SLC30A10: variants seen among roughly 807,000 people sequenced by gnomAD.
The protein encoded by SLC30A10 is calcium/manganese antiporter SLC30A10.
SLC30A10 carries 8 observed loss-of-function variants against 21.7 expected under a neutral mutation model. The observed-to-expected ratio is 0.37, with a 90% CI of 0.22 to 0.67. The LOEUF (loss-of-function observed/expected upper bound fraction) is 0.67, where lower values mean the gene tolerates loss of function less well. SLC30A10 is among the 30% of genes least tolerant of loss of function. SLC30A10 has a pLI of 0.58. For missense variants in SLC30A10, 521 were observed against 642.5 expected (o/e 0.81, Z 2.04); for synonymous variants, 272 against 279.4 (o/e 0.97, Z 0.26).
chr1:219,927,593 TG>T (rs1659859758), intron 1 of SLC30A10, among the ~76,000 whole-genome samples: 1 of 133,392 alleles, frequency 7.5e-6, no homozygotes, highest in African/African-American at 2.8e-5. Flanking sequence ...TATGTTAAAT[TG>T]GCAGAAGAGA....
At chr1:219,927,724 G>A in intron 1 of SLC30A10, 77 bp downstream of exon 1, 2 of 1,302,574 alleles carry the variant, frequency 1.5e-6, no homozygotes, top group Non-Finnish European at 2.0e-6. Context: ...AAAAGAGGGC[G>A]TGGGGTGAGA....
intron 1 of SLC30A10, among the ~76,000 whole-genome samples, chr1:219,953,668 T>TATTTTATTTTA (rs1660304478): frequency 5.3e-5 from 1 of 18,764 alleles, no homozygotes; most frequent in African/African-American, 1.8e-4. Context: ...TCTCAAATTT[T>TATTTTATTTTA]ATTTTATTTT....
intron 3 of SLC30A10, 95 bp from the exon 4 acceptor site, chr1:219,916,043 A>T: frequency 6.8e-7 from 1 of 1,471,380 alleles, no homozygotes; most frequent in Non-Finnish European, 9.1e-7. Flanking sequence ...CATTCTCACC[A>T]AAATGGCTGC....
intron 1 of SLC30A10, among the ~76,000 whole-genome samples, chr1:219,946,836 A>T (rs1222314676): frequency 6.6e-6 from 1 of 152,180 alleles, no homozygotes; most frequent in Non-Finnish European, 1.5e-5. Context: ...TTTACCAAAA[A>T]CACTGAGCTA....
At chr1:219,941,256 A>G (rs1377291605) in intron 1 of SLC30A10, among the ~76,000 whole-genome samples, 1 of 152,236 alleles carries the variant, frequency 6.6e-6, no homozygotes, top group African/African-American at 2.4e-5. Context: ...AGCAGAAACA[A>G]CAAGACAAAT....
At chr1:219,944,472 A>ACAAAG (rs1660162286) in intron 1 of SLC30A10, among the ~76,000 whole-genome samples, 1 of 151,958 alleles carries the variant, frequency 6.6e-6, no homozygotes, top group South Asian at 2.1e-4. Flanking sequence ...ACAAAACAAA[A>ACAAAG]CAAACACTAA....
chr1:219,915,270 G>A lies in SLC30A10; in HGVS notation c.*179C>T. ...CACCCAGGGGAATGGAAAGGAGTTAGTTACATAAAAATTCACAGACACGTT... is the reference window on the plus strand; with the variant it reads ...CACCCAGGGGAATGGAAAGGAGTTAATTACATAAAAATTCACAGACACGTT... On this transcript the variant is annotated 3_prime_UTR_variant, in exon 4 of 4. Coordinates refer to ENST00000366926, the MANE Select transcript of SLC30A10 (RefSeq NM_018713.3). 1.4e-6 allele frequency: 1 copy of A among 717,330 alleles called. No individual in the cohort carries two copies. Among genetic ancestry groups the A allele is most frequent in the Non-Finnish European group, 2.4e-6 (1 of 422,728 alleles). 44.4% of individuals were successfully genotyped at this position (717,330 alleles called of 1,614,324 possible). A position where few individuals can be genotyped will look rare whatever the true frequency, so the allele number is the denominator to read the frequency against.
intron 1 of SLC30A10, among the ~76,000 whole-genome samples, chr1:219,934,204 C>T (rs370789907): frequency 9.2e-5 from 14 of 152,306 alleles, no homozygotes; most frequent in African/African-American, 2.9e-4. Context: ...AGGAGAATGG[C>T]GTGAACCCAG....
At chr1:219,927,005 A>G (rs750728649) in intron 2 of SLC30A10, 23 bp downstream of exon 2, 54 of 1,570,190 alleles carry the variant, frequency 3.4e-5, no homozygotes, top group Middle Eastern at 3.3e-4. Flanking sequence ...AGGGATTTCA[A>G]ATAGGCCCAA....
chr1:219,938,164 G>A (rs533205179), intron 1 of SLC30A10, among the ~76,000 whole-genome samples: 2 of 152,204 alleles, frequency 1.3e-5, no homozygotes, highest in South Asian at 4.2e-4. Flanking sequence ...ATCCAAATCT[G>A]CTAACAGTGG....
At chr1:219,919,515 C>G (rs991398758) in intron 2 of SLC30A10, among the ~76,000 whole-genome samples, 4 of 152,114 alleles carry the variant, frequency 2.6e-5, no homozygotes, top group African/African-American at 9.7e-5. Flanking sequence ...GTGGCTCACT[C>G]CTGTAATCCC....
At chr1:219,922,176 G>GTTTTTTTTTTTTTTTTTTT (rs869249213) in intron 2 of SLC30A10, among the ~76,000 whole-genome samples, 4 of 36,408 alleles carry the variant, frequency 1.1e-4, no homozygotes, top group South Asian at 1.2e-3. Flanking sequence ...GTGTGTGTGT[G>GTTTTTTTTTTTTTTTTTTT]TTTTTTTTTT....
chr1:219,942,851 T>G (rs1660138713), intron 1 of SLC30A10, among the ~76,000 whole-genome samples: 1 of 152,026 alleles, frequency 6.6e-6, no homozygotes, highest in South Asian at 2.1e-4. Flanking sequence ...TTGAGATCAG[T>G]CTGGCCAACA....
intron 1 of SLC30A10, among the ~76,000 whole-genome samples, chr1:219,927,460 G>T (rs780444011): frequency 6.6e-6 from 1 of 151,732 alleles, no homozygotes; most frequent in Non-Finnish European, 1.5e-5. Context: ...GGAGAGTCCT[G>T]CCTGTTGCCC....
At chr1:219,931,231 CA>C (rs1190577882), upstream of SLC30A10, among the ~76,000 whole-genome samples, 1 of 152,136 alleles carries the variant, frequency 6.6e-6, no homozygotes, top group Admixed American at 6.5e-5. Context: ...TTTTCCTAAC[CA>C]AAGGCAGATA....
chr1:219,952,261 T>A lies in SLC30A10; in HGVS notation n.80+6307A>T, dbSNP rs1660281625. Among the ~76,000 whole-genome samples the A allele has an allele frequency of 1.3e-5, 2 of 152,194 alleles. 1 individual carries two copies. Among genetic ancestry groups the A allele is most frequent in the South Asian group, 4.1e-4 (2 of 4,824 alleles). On this transcript the variant is annotated intron_variant and non_coding_transcript_variant, in intron 1 of 8. Coordinates refer to the SLC30A10 transcript ENST00000484239. Reference sequence around the variant, plus strand: ...TACTGTGTTGAGTACTTTACACAAATAATATAATTTCATTCTTGCAACATC... The same window carrying A: ...TACTGTGTTGAGTACTTTACACAAAAAATATAATTTCATTCTTGCAACATC...
chr1:219,918,700 T>C lies in SLC30A10; in HGVS notation c.719-206A>G. 1 of 524,196 alleles carries C rather than the reference T, an allele frequency of 1.9e-6. No homozygotes were observed. Among genetic ancestry groups the C allele is most frequent in the Non-Finnish European group, 3.2e-6 (1 of 314,306 alleles). 32.5% of individuals were successfully genotyped at this position (524,196 alleles called of 1,614,324 possible). On this transcript the variant is annotated intron_variant, in intron 2 of 3. Transcript: ENST00000366926. This position sits in a 1 kb window ranked among gnomAD's most constrained non-coding sequence, Gnocchi z 4.4. ...CAGGCCACCATCGCAGGACTCAGAG[T>C]ACCTTGGAAGAGCAACAGCCTAGGA...
rs756664488 is a variant in SLC30A10 at position 219,915,803 on chromosome 1, T to C, written c.1104A>G (p.Glu368=). The C allele has an allele frequency of 6.2e-7, 1 of 1,614,168 alleles. No homozygotes were observed. Among genetic ancestry groups the C allele is most frequent in the Non-Finnish European group, 8.5e-7 (1 of 1,180,022 alleles). The part of the protein sequence containing the change: ...GYQDASTKIR[E]IFHHAGIHNV... ...TGTGGATTCCCGCATGGTGGAAGAT[T>C]TCTCGAATTTTTGTGCTGGCATCTT... Residue 368 remains glutamate, a synonymous_variant, in exon 4 of 4, where the codon GAA becomes GAG. Coordinates refer to ENST00000366926, the MANE Select transcript of SLC30A10 (RefSeq NM_018713.3).
Position 219,928,218 on chromosome 1 carries a change from C to T in SLC30A10, c.223G>A (p.Ala75Thr), listed in dbSNP as rs1659895633. The T allele has an allele frequency of 1.9e-6, 3 of 1,563,398 alleles. No individual in the cohort carries two copies. Among genetic ancestry groups the T allele is most frequent in the Non-Finnish European group, 2.6e-6 (3 of 1,154,282 alleles). ...TRGFSATYGY[A>T]RAEVVGALSN... The stretch of plus-strand genomic sequence containing the variant: ...AGCGCGCCCACCACCTCGGCGCGGG[C>T]GTAGCCGTAGGTGGCGCTGAAGCCC... Residue 75 changes from alanine (A) to threonine (T), a missense_variant, in exon 1 of 4, where the codon GCC becomes ACC. Ala to Thr is a moderately conservative substitution (Grantham distance 58). Transcript: ENST00000366926. This position sits in a 1 kb window ranked among gnomAD's most constrained non-coding sequence, Gnocchi z 6.3.
Sources: allele counts gnomAD v4.1 joint callset (sites outside exome capture counted in the v4.1 genomes callset), GRCh38; gene constraint gnomAD v4.1.1; non-coding constraint Gnocchi (gnomAD v3.1); transcripts MANE v1.5; gene names NCBI Gene and HGNC (gene_info 2026-07-23, HGNC 2026-07-21).